The following DIS3L2 variants were observed in gnomAD, a reference collection of about 807,000 sequenced individuals.
DIS3L2 encodes the protein DIS3-like exonuclease 2.
In DIS3L2, 34 loss-of-function variants were observed where a neutral mutation model predicts 97.5. The observed-to-expected ratio is 0.35, with a 90% CI of 0.27 to 0.46. The LOEUF is 0.46. DIS3L2 is among the 20% of genes least tolerant of loss of function. The pLI is 1.00. For missense variants in DIS3L2, 1,038 were observed against 1,146.0 expected (o/e 0.91, Z 1.36); for synonymous variants, 435 against 445.2 (o/e 0.98, Z 0.29).
intron 1 of DIS3L2, among the ~76,000 whole-genome samples, chr2:231,983,396 G>A (rs1693315230): frequency 6.6e-6 from 1 of 152,190 alleles, no homozygotes; most frequent in Non-Finnish European, 1.5e-5. Flanking sequence ...TCTTTGGCTT[G>A]TAAAACAGGG....
intron 5 of DIS3L2, among the ~76,000 whole-genome samples, chr2:232,038,914 G>A (rs1319980104): frequency 6.6e-6 from 1 of 152,136 alleles, no homozygotes; most frequent in African/African-American, 2.4e-5. Context: ...GAATTTCTAG[G>A]TCATAAAATT....
chr2:232,223,229 A>T (rs1314240281), intron 10 of DIS3L2, among the ~76,000 whole-genome samples: 1 of 152,224 alleles, frequency 6.6e-6, no homozygotes, highest in Non-Finnish European at 1.5e-5. Context: ...AAGAAGTCCC[A>T]GTGATCCAAC....
intron 9 of DIS3L2, among the ~76,000 whole-genome samples, chr2:232,181,832 A>G (rs900947701): frequency 6.6e-6 from 1 of 151,932 alleles, no homozygotes; most frequent in South Asian, 2.1e-4. Context: ...TTTGTTTTTT[A>G]GTAATGATGG....
At chr2:232,101,811 T>C (rs1697211291) in intron 6 of DIS3L2, among the ~76,000 whole-genome samples, 1 of 152,228 alleles carries the variant, frequency 6.6e-6, no homozygotes, top group Non-Finnish European at 1.5e-5. Flanking sequence ...CCCTAATAAA[T>C]AGCAATATAT....
chr2:232,255,767 A>G (rs146768650), intron 12 of DIS3L2, among the ~76,000 whole-genome samples: 70 of 152,264 alleles, frequency 4.6e-4, no homozygotes, highest in African/African-American at 1.5e-3. Flanking sequence ...TGTGCTGTAC[A>G]GGATTAGTCA....
intron 5 of DIS3L2, among the ~76,000 whole-genome samples, chr2:232,058,028 T>A (rs1016423311): frequency 6.6e-6 from 1 of 152,196 alleles, no homozygotes; most frequent in Non-Finnish European, 1.5e-5. Context: ...TACACAAATA[T>A]AATCAAATAG....
chr2:232,234,935 A>G (rs1692891149), intron 10 of DIS3L2, among the ~76,000 whole-genome samples: 1 of 152,212 alleles, frequency 6.6e-6, no homozygotes, highest in South Asian at 2.1e-4. Flanking sequence ...ACTCTTGAGG[A>G]TATAGCAGGG....
chr2:232,333,705 G>T, intron 16 of DIS3L2, 135 bp from the exon 17 acceptor site: 1 of 1,338,268 alleles, frequency 7.5e-7, no homozygotes, highest in East Asian at 2.5e-5. Context: ...CCTCCCTGGC[G>T]TCACTCAGCA....
chr2:232,212,552 G>A (rs968243925), intron 10 of DIS3L2, among the ~76,000 whole-genome samples: 1 of 152,232 alleles, frequency 6.6e-6, no homozygotes, highest in Non-Finnish European at 1.5e-5. Flanking sequence ...AAAGGAAGTG[G>A]TCAAAGATAT....
At chr2:232,337,241 ATG>A, downstream of DIS3L2, 4 of 930,068 alleles carry the variant, frequency 4.3e-6, no homozygotes, top group Admixed American at 6.3e-5. Context: ...TGTCTGACGA[ATG>A]TGACTGTGTC....
At chr2:232,265,805 C>A (rs1012204000) in intron 13 of DIS3L2, among the ~76,000 whole-genome samples, 1 of 152,136 alleles carries the variant, frequency 6.6e-6, no homozygotes, top group African/African-American at 2.4e-5. Flanking sequence ...AATTCTCATT[C>A]TTTTTAAAGA....
Position 232,024,402 on chromosome 2 carries a change from A to C in DIS3L2, c.264+72A>C, listed in dbSNP as rs527522558. On this transcript the variant is annotated intron_variant, in intron 4 of 20. Coordinates refer to ENST00000325385, the MANE Select transcript of DIS3L2 (RefSeq NM_152383.5). ...TTAGATCTGCTCCGAAACTGAAATC[A>C]TATATTCTAACTAAAAAGCAGAGTA... The C allele has an allele frequency of 9.0e-6, 11 of 1,218,124 alleles. No homozygotes were observed. In the South Asian group the frequency reaches 1.1e-4, roughly 12 times the overall value. 75.5% of individuals were successfully genotyped at this position (1,218,124 alleles called of 1,614,324 possible). A position where few individuals can be genotyped will look rare whatever the true frequency, so the allele number is the denominator to read the frequency against.
intron 8 of DIS3L2, among the ~76,000 whole-genome samples, chr2:232,161,876 G>A (rs1244114044): frequency 6.6e-6 from 1 of 151,922 alleles, no homozygotes; most frequent in East Asian, 1.9e-4. Context: ...TGGTTCAAGG[G>A]ATTCTCCTGC....
At chr2:232,062,829 A>G (rs11685531) in intron 5 of DIS3L2, among the ~76,000 whole-genome samples, 1,759 of 150,956 alleles carry the variant, frequency 0.012, 20 homozygotes, top group Non-Finnish European at 0.017. Flanking sequence ...TACCTACCCT[A>G]TCTTCATCTA....
intron 14 of DIS3L2, among the ~76,000 whole-genome samples, chr2:232,312,288 A>C (rs1406835638): frequency 6.6e-6 from 1 of 152,220 alleles, no homozygotes; most frequent in Non-Finnish European, 1.5e-5. Context: ...TCTACTTAGA[A>C]TTGATTTTTG....
At chr2:232,228,516 GT>G (rs1692706585) in intron 10 of DIS3L2, among the ~76,000 whole-genome samples, 1 of 152,190 alleles carries the variant, frequency 6.6e-6, no homozygotes, top group Non-Finnish European at 1.5e-5. Context: ...GTTGTTTCCT[GT>G]TCAGAAGGAG....
chr2:231,992,493 A>G (rs1182569167), intron 1 of DIS3L2, among the ~76,000 whole-genome samples: 2 of 152,180 alleles, frequency 1.3e-5, no homozygotes, highest in African/African-American at 4.8e-5. Flanking sequence ...ACCAACAAAA[A>G]GGCAAACTGT....
chr2:232,196,699 T>C (rs993683746), intron 9 of DIS3L2, among the ~76,000 whole-genome samples: 1 of 151,490 alleles, frequency 6.6e-6, no homozygotes, highest in Admixed American at 6.6e-5. Flanking sequence ...AGGACAGACA[T>C]AGCATTTTCT....
intron 14 of DIS3L2, 28 bp from the exon 15 acceptor site, chr2:232,329,785 T>TGCCCGGGGCCCCC: frequency 2.1e-6 from 2 of 967,142 alleles, no homozygotes; most frequent in Non-Finnish European, 1.5e-6. Context: ...ACCCCAGCGG[T>TGCCCGGGGCCCCC]CCCTCCCATC....
Sources: allele counts gnomAD v4.1 joint callset (sites outside exome capture counted in the v4.1 genomes callset), GRCh38; gene constraint gnomAD v4.1.1; transcripts MANE v1.5; gene names NCBI Gene and HGNC (gene_info 2026-07-23, HGNC 2026-07-21).